Variants in TRA2A observed in about 807,000 individuals in gnomAD.
TRA2A encodes the protein transformer 2 alpha homolog.
TRA2A carries 31 observed loss-of-function variants against 45.7 expected under a neutral mutation model. The ratio of observed to expected loss-of-function variants is 0.68; its 90% CI spans 0.51 to 0.92. The LOEUF is 0.92. Among genes scored for constraint, TRA2A ranks in the 40% least tolerant of loss-of-function variants. The pLI, the probability that TRA2A is intolerant of heterozygous loss-of-function variation, is 0.00. For synonymous variants in TRA2A, 132 were observed against 126.2 expected (o/e 1.05, Z -0.31); for missense variants, 304 against 367.5 (o/e 0.83, Z 1.41).
chr7:23,514,780 G>A (rs1789783325), intron 3 of TRA2A, among the ~76,000 whole-genome samples: 1 of 151,990 alleles, frequency 6.6e-6, no homozygotes, highest in Admixed American at 6.6e-5. Flanking sequence ...TCTTTAGCGA[G>A]GATATTCTTT....
intron 4 of TRA2A, among the ~76,000 whole-genome samples, chr7:23,512,389 T>G (rs192106918): frequency 1.3e-5 from 2 of 152,032 alleles, no homozygotes; most frequent in African/African-American, 4.8e-5. Context: ...GAGGCTGAGG[T>G]AGGAGGACTG....
chr7:23,511,370 C>CAAAAAAAA lies in TRA2A; in HGVS notation c.525+1516_525+1523dup, dbSNP rs567187750. On this transcript the variant is annotated intron_variant, in intron 4 of 7. Transcript: ENST00000297071. The stretch of plus-strand genomic sequence containing the variant: ...TGGGCGACAGAGCGAGACTCCATCT[C>CAAAAAAAA]AAAAAAAAAAAAAAAAAAAAAAAAA... Among the ~76,000 whole-genome samples the CAAAAAAAA allele has an allele frequency of 6.5e-4, 26 of 40,106 alleles. 3 individuals are homozygous for CAAAAAAAA. Among genetic ancestry groups the CAAAAAAAA allele is most frequent in the South Asian group, 1.4e-3 (1 of 720 alleles). 26.3% of individuals were successfully genotyped at this position (40,106 alleles called of 152,430 possible). A position where few individuals can be genotyped will look rare whatever the true frequency, so the allele number is the denominator to read the frequency against.
intron 3 of TRA2A, among the ~76,000 whole-genome samples, chr7:23,515,375 G>A (rs554911541): frequency 4.6e-5 from 7 of 151,486 alleles, no homozygotes; most frequent in African/African-American, 1.5e-4. Flanking sequence ...GACTACAGGC[G>A]TCTGCAACCG....
At chr7:23,515,835 C>A (rs1181317564) in intron 3 of TRA2A, among the ~76,000 whole-genome samples, 1 of 151,868 alleles carries the variant, frequency 6.6e-6, no homozygotes, top group Non-Finnish European at 1.5e-5. Flanking sequence ...TGTGAGCCAC[C>A]ACGCCCAGCC....
chr7:23,526,970 T>C (rs1163452564), intron 1 of TRA2A, among the ~76,000 whole-genome samples: 1 of 152,194 alleles, frequency 6.6e-6, no homozygotes, highest in Non-Finnish European at 1.5e-5. Context: ...CTGTAAAATT[T>C]ATAATCTTTT....
chr7:23,523,191 T>C (rs1790205791), intron 1 of TRA2A, among the ~76,000 whole-genome samples: 1 of 152,198 alleles, frequency 6.6e-6, no homozygotes, highest in African/African-American at 2.4e-5. Context: ...TTTGATTCCA[T>C]CTCTTTAGAA....
At chr7:23,531,748 TTG>T in intron 1 of TRA2A, 39 bp downstream of exon 1, 1 of 1,611,224 alleles carries the variant, frequency 6.2e-7, no homozygotes, top group Non-Finnish European at 8.5e-7. Context: ...ACCCCGAGCA[TTG>T]GGCCGCCGCC....
intron 4 of TRA2A, among the ~76,000 whole-genome samples, chr7:23,511,670 G>A (rs1259941850): frequency 6.6e-6 from 1 of 152,004 alleles, no homozygotes; most frequent in Non-Finnish European, 1.5e-5. Context: ...GAACAGTTGA[G>A]GCCAGGAGTT....
At chr7:23,531,282 A>C (rs754163375) in intron 1 of TRA2A, 2 of 988,278 alleles carry the variant, frequency 2.0e-6, no homozygotes, top group Non-Finnish European at 2.4e-6. Context: ...TGAAATAGAG[A>C]GCCAAGGAGA....
At chr7:23,517,206 G>GGA (rs1789912359) in intron 2 of TRA2A, among the ~76,000 whole-genome samples, 1 of 151,872 alleles carries the variant, frequency 6.6e-6, no homozygotes, top group Non-Finnish European at 1.5e-5. Context: ...CTTGGGGCCG[G>GGA]GCACGGTGGC....
At position 23,506,228 on chromosome 7, in the gene TRA2A, C is replaced by A. The variant is rs371167724; in HGVS notation, c.680G>T (p.Gly227Val). 38 of 1,612,272 alleles carry A rather than the reference C, an allele frequency of 2.4e-5. No individual in the cohort carries two copies. The highest frequency in any genetic ancestry group is 3.1e-5 in the Non-Finnish European group (37 of 1,178,846). Residue 227 changes from glycine (G) to valine (V), a missense_variant, in exon 6 of 8, where the codon GGT (glycine) becomes GTT (valine). By Grantham distance (109) the Gly-to-Val change is moderately radical. Around this residue, in one of 3 missense-constraint regions of TRA2A, gnomAD observed 130 missense variants for 217.1 expected, o/e 0.60. Transcript: ENST00000297071. Reference sequence around the variant, plus strand: ...ATCTCGACGTCTGCCACCACCTCCACCTCCACCGCCGCCGCCTCCTCCACC... The same window carrying A: ...ATCTCGACGTCTGCCACCACCTCCAACTCCACCGCCGCCGCCTCCTCCACC... ...GGGGGGGGGG[G>V]GGGGRRRDSY...
intron 1 of TRA2A, among the ~76,000 whole-genome samples, chr7:23,529,198 A>G (rs62468821): frequency 6.6e-6 from 1 of 152,150 alleles, no homozygotes; most frequent in African/African-American, 2.4e-5. Context: ...TTATCAAGAC[A>G]TGCAAAGCCA....
chr7:23,515,299 G>A (rs1366923632), intron 3 of TRA2A, among the ~76,000 whole-genome samples: 2 of 138,522 alleles, frequency 1.4e-5, no homozygotes, highest in Admixed American at 1.6e-4. Context: ...GCGCCATCTC[G>A]GCTCACTGCA....
intron 2 of TRA2A, among the ~76,000 whole-genome samples, chr7:23,519,493 T>C (rs1258000546): frequency 2.0e-5 from 3 of 151,964 alleles, no homozygotes; most frequent in Middle Eastern, 3.4e-3. Context: ...GAGGTGGAGG[T>C]TGCAGTGAGC....
At chr7:23,521,661 A>T in intron 2 of TRA2A, 46 bp downstream of exon 2, 1 of 1,596,122 alleles carries the variant, frequency 6.3e-7, no homozygotes. Flanking sequence ...CTTTGTCCTC[A>T]AAAACCCCAG....
At chr7:23,510,780 T>C in intron 4 of TRA2A, among the ~76,000 whole-genome samples, 1 of 152,150 alleles carries the variant, frequency 6.6e-6, no homozygotes, top group East Asian at 1.9e-4. Context: ...CTAGTATTTC[T>C]AAATTGATAA....
intron 5 of TRA2A, 178 bp from the exon 6 acceptor site, chr7:23,506,444 C>T: frequency 3.2e-6 from 2 of 622,512 alleles, no homozygotes; most frequent in Non-Finnish European, 5.0e-6. Context: ...TTATTCCCTA[C>T]ATACATAATC....
chr7:23,529,651 C>T (rs1013722004), intron 1 of TRA2A, among the ~76,000 whole-genome samples: 1 of 152,070 alleles, frequency 6.6e-6, no homozygotes, highest in Non-Finnish European at 1.5e-5. Context: ...TTATCTCATC[C>T]TATAAAAACT....
chr7:23,531,578 C>A lies in TRA2A; in HGVS notation c.36+211G>T, dbSNP rs1790586748. 5.0e-6 allele frequency: 3 copies of A among 605,856 alleles called. No individual in the cohort carries two copies. In the South Asian group the frequency reaches 6.0e-5, roughly 12 times the overall value. 37.5% of individuals were successfully genotyped at this position (605,856 alleles called of 1,614,324 possible). ...AGGACCCAGAAGTCCAGGTATCAGT[C>A]AGCCTCCAAAAAAGGGGGAGGGGTG... On this transcript the variant is annotated intron_variant, in intron 1 of 7. Transcript: ENST00000297071.
Sources: gnomAD v4.1 joint callset for allele counts (sites outside exome capture counted in the v4.1 genomes callset) on GRCh38, gnomAD v4.1.1 for gene constraint, gnomAD v4.1.1 regional missense constraint, MANE v1.5 for transcripts, NCBI Gene and HGNC (gene_info 2026-07-23, HGNC 2026-07-21) for gene names.